The following CYP4F11 variants were observed in gnomAD, a reference collection of about 807,000 sequenced individuals.
CYP4F11 encodes cytochrome P450 4F11.
A neutral mutation model predicts 62.2 loss-of-function variants in CYP4F11; 79 were observed. That is an observed-to-expected ratio of 1.27 (90% confidence interval 1.06 to 1.53). CYP4F11 has a LOEUF of 1.53. Among genes scored for constraint, CYP4F11 ranks in the 40% most tolerant of loss-of-function variants. The probability of loss-of-function intolerance (pLI) is 0.00; values close to 1 mark genes in which losing one functional copy is unlikely to be tolerated. For missense variants in CYP4F11, 777 were observed against 680.5 expected (o/e 1.14, Z -1.58); for synonymous variants, 290 against 263.7 (o/e 1.10, Z -0.97).
intron 8 of CYP4F11, among the ~76,000 whole-genome samples, chr19:15,921,149 G>T (rs918579900): frequency 6.8e-6 from 1 of 146,552 alleles, no homozygotes; most frequent in Non-Finnish European, 1.5e-5. Context: ...CTTTGCCTAG[G>T]CTCTCTTCTT....
intron 1 of CYP4F11, among the ~76,000 whole-genome samples, chr19:15,929,956 T>A (rs4808415): frequency 0.56 from 85,224 of 151,944 alleles, 24,259 homozygotes; most frequent in Non-Finnish European, 0.61. Context: ...AATTTACAAC[T>A]CCAGTGTCCC....
intron 8 of CYP4F11, among the ~76,000 whole-genome samples, chr19:15,921,762 G>T (rs2089630954): frequency 6.6e-6 from 1 of 152,182 alleles, no homozygotes; most frequent in African/African-American, 2.4e-5. Context: ...TCAGTGAAAA[G>T]AGGAGGTGGA....
Position 15,914,468 on chromosome 19 carries a change from C to T in CYP4F11, c.1315-81G>A, listed in dbSNP as rs557367149. The T allele has an allele frequency of 7.1e-6, 11 of 1,550,378 alleles. No individual in the cohort carries two copies. The African/African-American group carries it at 1.4e-4, about 19-fold the overall frequency. On this transcript the variant is annotated intron_variant, in intron 10 of 11. Coordinates refer to ENST00000402119, the MANE Select transcript of CYP4F11 (RefSeq NM_021187.4). ...TCCCAGTTGTCTCCAAGACCCCCGG[C>T]CTTGGAGAGACATTTTGGCAGATGT...
Position 15,931,681 on chromosome 19 carries a change from CGAGG to C in CYP4F11, c.199-2084_199-2081del, listed in dbSNP as rs1568257651. 2.0e-3 allele frequency among the ~76,000 whole-genome samples: 43 copies of C among 21,528 alleles called. 3 individuals are homozygous for C. Among genetic ancestry groups the C allele is most frequent in the Non-Finnish European group, 2.4e-3 (33 of 13,474 alleles). The allele number at this position is 21,528 out of a possible 152,430, so 14.1% of individuals were successfully genotyped here. A position where few individuals can be genotyped will look rare whatever the true frequency, so the allele number is the denominator to read the frequency against. On this transcript the variant is annotated intron_variant, in intron 1 of 11. Coordinates refer to ENST00000402119, the MANE Select transcript of CYP4F11 (RefSeq NM_021187.4). ...GTGAGCGAGGAGAGGAATGAGTGAGCGAGGAGAGGAATGAGTGAGCGAGGAGAGG... is the reference window on the plus strand; with the variant it reads ...GTGAGCGAGGAGAGGAATGAGTGAGCAGAGGAATGAGTGAGCGAGGAGAGG...
chr19:15,925,758 A>ACACACACACACC (rs908914243), intron 4 of CYP4F11, among the ~76,000 whole-genome samples: 3 of 148,788 alleles, frequency 2.0e-5, no homozygotes, highest in Non-Finnish European at 4.5e-5. Context: ...ACACACACAC[A>ACACACACACACC]CCCTGTAGTT....
rs1404802708 is a variant in CYP4F11, at chr19:15,929,555, G to A, written c.245C>T (p.Thr82Ile). ...EGMKTLTQLV[T>I]TYPQGFKLWL... Reference sequence around the variant, plus strand: ...CAACTTAAAGCCCTGGGGATATGTGGTCACCAGCTGGGTCAATGTCTTCAT... The same window carrying A: ...CAACTTAAAGCCCTGGGGATATGTGATCACCAGCTGGGTCAATGTCTTCAT... The change falls in exon 2 of 12, where the codon ACC becomes ATC. Residue 82 changes from threonine (T) to isoleucine (I), a missense_variant. Coordinates refer to ENST00000402119, the MANE Select transcript of CYP4F11 (RefSeq NM_021187.4). The A allele has an allele frequency of 6.2e-7, 1 of 1,613,552 alleles. No individual in the cohort carries two copies. Among genetic ancestry groups the A allele is most frequent in the South Asian group, 1.1e-5 (1 of 91,016 alleles).
upstream of CYP4F11, chr19:15,934,658 C>A: frequency 2.3e-6 from 1 of 438,784 alleles, no homozygotes; most frequent in Non-Finnish European, 4.0e-6. Context: ...AAAGGCCCAG[C>A]CTGAATCACT....
At chr19:15,928,923 C>T (rs1242940436) in intron 2 of CYP4F11, among the ~76,000 whole-genome samples, 1 of 152,222 alleles carries the variant, frequency 6.6e-6, no homozygotes, top group Non-Finnish European at 1.5e-5. Context: ...TCAAATCCCC[C>T]TAGTACCATA....
chr19:15,932,509 G>A (rs554658270), intron 1 of CYP4F11, among the ~76,000 whole-genome samples: 9 of 5,992 alleles, frequency 1.5e-3, no homozygotes, highest in Admixed American at 3.3e-3. Context: ...AGTGAGGAGA[G>A]GAATGAGTGA....
chr19:15,922,448 C>T lies in CYP4F11; in HGVS notation c.919-18G>A, dbSNP rs745361090. On this transcript the variant is annotated intron_variant, in intron 6 of 11. Transcript: ENST00000402119. ...TCTTCATCCTGGAGAGAAGGCAAGA[C>T]AATATCCCTGCCCCAAATCACACCA... 6.2e-7 allele frequency: 1 copy of T among 1,613,486 alleles called. No homozygotes were observed. Among genetic ancestry groups the T allele is most frequent in the Admixed American group, 1.7e-5 (1 of 60,018 alleles).
Position 15,922,144 on chromosome 19 carries a change from AC to A in CYP4F11, c.1007del (p.Gly336ValfsTer27). The A allele has an allele frequency of 1.2e-6, 2 of 1,613,044 alleles. No individual in the cohort carries two copies. The highest frequency in any genetic ancestry group is 1.7e-6 in the Non-Finnish European group (2 of 1,179,592). ...MFEGHDTTASGLSWVLYHLAK... is the reference protein window; with the variant it reads ...MFEGHDTTASXLSWVLYHLAK... ...CAAGGTGGTATAGGACCCAGGAGAG[AC>A]CACTGGCTGTAGTGTCATGGCCTGA... On this transcript the variant is annotated frameshift_variant, in exon 8 of 12. Coordinates refer to ENST00000402119, the MANE Select transcript of CYP4F11 (RefSeq NM_021187.4). LOFTEE classifies it high-confidence loss of function.
At chr19:15,931,565 G>GAGTGAGTGAGCGGGC (rs2089720556) in intron 1 of CYP4F11, among the ~76,000 whole-genome samples, 1 of 109,180 alleles carries the variant, frequency 9.2e-6, no homozygotes, top group Non-Finnish European at 2.0e-5. Context: ...AGTGAGCGAG[G>GAGTGAGTGAGCGGGC]AGAGGAATGA....
In CYP4F11 at chr19:15,924,886, G is replaced by C; in HGVS notation, c.526-4C>G. On this transcript the variant is annotated splice_polypyrimidine_tract_variant and splice_region_variant and intron_variant, in intron 4 of 11. Transcript: ENST00000402119. ...AGGCCAGGCGCTGCCACTTGTCCTG[G>C]CCAGAGAAAAAACAGAGCCAAAGCT... 6.2e-7 allele frequency: 1 copy of C among 1,606,910 alleles called. No individual in the cohort carries two copies. Among genetic ancestry groups the C allele is most frequent in the Non-Finnish European group, 8.5e-7 (1 of 1,176,436 alleles).
intron 8 of CYP4F11, among the ~76,000 whole-genome samples, chr19:15,916,799 A>G (rs114386096): frequency 0.017 from 2,563 of 152,266 alleles, 67 homozygotes; most frequent in African/African-American, 0.058. Context: ...TATGGTGAAA[A>G]GGGAACACTT....
chr19:15,923,799 C>T lies in CYP4F11; in HGVS notation c.918+13G>A. The T allele has an allele frequency of 6.2e-7, 1 of 1,606,564 alleles. No homozygotes were observed. Among genetic ancestry groups the T allele is most frequent in the Middle Eastern group, 1.7e-4 (1 of 6,028 alleles). ...CACTCTATTACTTGAATTCACATCC[C>T]AGAGAAGCCTACCTTGCTCAGCAGA... On this transcript the variant is annotated intron_variant, in intron 6 of 11. Coordinates refer to ENST00000402119, the MANE Select transcript of CYP4F11 (RefSeq NM_021187.4).
In CYP4F11 at chr19:15,927,348, G is replaced by T; in HGVS notation, c.398-9C>A. The stretch of plus-strand genomic sequence containing the variant: ...CAGCAGGAGCCCATCCCCTGGCAGG[G>T]CAACCAAGGACAGTGGTCAAGGGCA... On this transcript the variant is annotated splice_polypyrimidine_tract_variant and intron_variant, in intron 3 of 11. Transcript: ENST00000402119. 6.2e-7 allele frequency: 1 copy of T among 1,614,022 alleles called. No individual in the cohort carries two copies. Among genetic ancestry groups the T allele is most frequent in the Non-Finnish European group, 8.5e-7 (1 of 1,179,926 alleles).
chr19:15,914,093 C>T (rs1003509006), intron 11 of CYP4F11, among the ~76,000 whole-genome samples, 184 bp from the exon 12 acceptor site: 2 of 152,128 alleles, frequency 1.3e-5, no homozygotes, highest in African/African-American at 2.4e-5. Flanking sequence ...CAGGCTCCTA[C>T]CCCCAGTTCA....
In CYP4F11 at chr19:15,923,681, A is replaced by C. The variant is rs1028068257; in HGVS notation, c.918+131T>G. On this transcript the variant is annotated intron_variant, in intron 6 of 11. Coordinates refer to ENST00000402119, the MANE Select transcript of CYP4F11 (RefSeq NM_021187.4). ...TTCCACAGAGTCATCTCTCAAACCT[A>C]TCTCTGACCTGTCTTTTTCAAGCAT... is the stretch of plus-strand genomic sequence containing the variant. 1.0e-5 allele frequency: 13 copies of C among 1,288,148 alleles called. No homozygotes were observed. In the African/African-American group the frequency reaches 1.8e-4, roughly 18 times the overall value. 79.8% of individuals were successfully genotyped at this position (1,288,148 alleles called of 1,614,324 possible).
chr19:15,913,876 C>T lies in CYP4F11; in HGVS notation c.1431G>A (p.Glu477=). 1.9e-6 allele frequency: 3 copies of T among 1,614,070 alleles called. No homozygotes were observed. Among genetic ancestry groups the T allele is most frequent in the Non-Finnish European group, 2.5e-6 (3 of 1,179,984 alleles). Residue 477 remains glutamate, a synonymous_variant, in exon 12 of 12, where the codon GAG becomes GAA. Coordinates refer to ENST00000402119, the MANE Select transcript of CYP4F11 (RefSeq NM_021187.4). The stretch of plus-strand genomic sequence containing the variant: ...GGGTGAGCGCCAGGACCACCTTCAT[C>T]TCAGCCATGGCGAACGCCTGCCCGA... ...NCIGQAFAMA[E]MKVVLALTLL... is the part of the protein sequence containing the mutation.
Sources: allele counts gnomAD v4.1 joint callset (sites outside exome capture counted in the v4.1 genomes callset), GRCh38; gene constraint gnomAD v4.1.1; transcripts MANE v1.5; gene names NCBI Gene and HGNC (gene_info 2026-07-23, HGNC 2026-07-21).